The following ZNF562 variants were observed in gnomAD, a reference collection of about 807,000 sequenced individuals.
ZNF562 encodes the protein zinc finger protein 562.
ZNF562 carries 13 observed loss-of-function variants against 17.5 expected under a neutral mutation model. The ratio of observed to expected loss-of-function variants is 0.74; its 90% CI spans 0.48 to 1.18. The LOEUF is 1.18. Among genes scored for constraint, ZNF562 ranks in the 50% most tolerant of loss-of-function variants. The pLI is 0.00. For missense variants in ZNF562, 481 were observed against 498.5 expected, an observed-to-expected ratio of 0.96 and a Z score of 0.33; for synonymous variants, 163 against 165.4, an observed-to-expected ratio of 0.99 and a Z score of 0.11.
Position 9,659,691 on chromosome 19 carries a change from T to C in ZNF562, c.26-224A>G, listed in dbSNP as rs565745734. ...TGTGTAAAGGGTAACAGTTTCATTT[T>C]TCAAGGAAACTTACACCCTGAAAAA... On this transcript the variant is annotated intron_variant, in intron 2 of 5. Transcript: ENST00000453372. 2.0e-5 allele frequency among the ~76,000 whole-genome samples: 3 copies of C among 152,136 alleles called. No individual in the cohort carries two copies. The South Asian group carries it at 6.2e-4, about 32-fold the overall frequency.
At chr19:9,663,840 T>C (rs1020774997) in intron 1 of ZNF562, among the ~76,000 whole-genome samples, 2 of 151,756 alleles carry the variant, frequency 1.3e-5, no homozygotes, top group African/African-American at 4.8e-5. Context: ...TAGCTGGGAC[T>C]CCCTAGTTCA....
chr19:9,664,631 T>TCA (rs1315125151), intron 1 of ZNF562, among the ~76,000 whole-genome samples: 23 of 152,314 alleles, frequency 1.5e-4, no homozygotes, highest in Non-Finnish European at 2.8e-4. Flanking sequence ...ACTTTTGGGT[T>TCA]TCTGCCGTTT....
chr19:9,652,871 C>T lies in ZNF562; in HGVS notation c.*78G>A, dbSNP rs548473878. 6.7e-6 allele frequency: 9 copies of T among 1,345,928 alleles called. No homozygotes were observed. The South Asian group carries it at 1.4e-4, about 21-fold the overall frequency. 83.4% of individuals were successfully genotyped at this position (1,345,928 alleles called of 1,614,324 possible). A position where few individuals can be genotyped will look rare whatever the true frequency, so the allele number is the denominator to read the frequency against. ...AGCAAATGCTTTCCCAAATTCTTTA[C>T]ATACAAAAGGTTTCTCTCTGGTAGG... On this transcript the variant is annotated 3_prime_UTR_variant, in exon 6 of 6. Coordinates refer to ENST00000453372, the MANE Select transcript of ZNF562 (RefSeq NM_001130031.2).
rs930876101 is a variant in ZNF562 at position 9,659,450 on chromosome 19, G to T, written c.43C>A (p.Pro15Thr). 6.4e-7 allele frequency: 1 copy of T among 1,551,252 alleles called. No homozygotes were observed. The change falls in exon 3 of 6, where the codon CCA (proline) becomes ACA (threonine). Residue 15 changes from proline to threonine, a missense_variant. Pro to Thr is a conservative substitution (Grantham distance 38). This residue lies in a region of ZNF562 where 403 missense variants were observed against 386.4 expected (regional missense o/e 1.04). Coordinates refer to ENST00000453372, the MANE Select transcript of ZNF562 (RefSeq NM_001130031.2). Reference protein sequence around the residue: ...DMSHGFFPREPICPFEEKTKI... With the variant: ...DMSHGFFPRETICPFEEKTKI... ...GTCTTTTCTTCAAAAGGACAGATTG[G>T]TTCCCTGGGAAAAAACCCTAGTGGA... is the stretch of plus-strand genomic sequence containing the variant.
chr19:9,665,588 C>T (rs187110444), intron 1 of ZNF562, among the ~76,000 whole-genome samples: 3 of 152,270 alleles, frequency 2.0e-5, no homozygotes, highest in African/African-American at 4.8e-5. Flanking sequence ...ACACAGGTCC[C>T]CTGGGCAGAA....
At chr19:9,660,417 G>A (rs535577704) in intron 2 of ZNF562, among the ~76,000 whole-genome samples, 13 of 152,018 alleles carry the variant, frequency 8.6e-5, no homozygotes, top group Non-Finnish European at 1.5e-4. Flanking sequence ...ACCTGAGGTC[G>A]GGAGTTCAAG....
At chr19:9,656,358 A>T (rs1725760084) in intron 5 of ZNF562, among the ~76,000 whole-genome samples, 189 bp downstream of exon 5, 1 of 151,860 alleles carries the variant, frequency 6.6e-6, no homozygotes, top group South Asian at 2.1e-4. Flanking sequence ...AAATACAATA[A>T]ATTAGCTGGG....
Position 9,675,077 on chromosome 19 carries a change from C to T in ZNF562, c.-193G>A, listed in dbSNP as rs1288129196. 1 of 152,292 alleles carries T rather than the reference C, an allele frequency of 6.6e-6. No individual in the cohort carries two copies. 9.4% of individuals were successfully genotyped at this position (152,292 alleles called of 1,614,324 possible). A position where few individuals can be genotyped will look rare whatever the true frequency, so the allele number is the denominator to read the frequency against. ...GGCACTGACCATGCTGAGCCACAGC[C>T]GGTAAAGATGGCGGTGGCACACTGA... On this transcript the variant is annotated 5_prime_UTR_variant, in exon 1 of 6. Coordinates refer to ENST00000453372, the MANE Select transcript of ZNF562 (RefSeq NM_001130031.2).
chr19:9,653,372 C>G lies in ZNF562; in HGVS notation c.858G>C (p.Lys286Asn). Residue 286 changes from lysine (K) to asparagine (N), a missense_variant, in exon 6 of 6, where the codon AAG (lysine) becomes AAC (asparagine). This residue lies in a region of ZNF562 where 403 missense variants were observed against 386.4 expected (regional missense o/e 1.04). Transcript: ENST00000453372. ...TTCCACATTCTTTACATTCAAAGGACTTCTCTCCTTTATGAGTTTTTGCAT... is the reference window on the plus strand; with the variant it reads ...TTCCACATTCTTTACATTCAAAGGAGTTCTCTCCTTTATGAGTTTTTGCAT... ...SAHAKTHKGE[K>N]SFECKECGRS... The G allele has an allele frequency of 6.2e-7, 1 of 1,614,112 alleles. No homozygotes were observed. The highest frequency in any genetic ancestry group is 8.5e-7 in the Non-Finnish European group (1 of 1,180,002).
Position 9,653,524 on chromosome 19 carries a change from C to G in ZNF562, c.706G>C (p.Glu236Gln). Residue 236 changes from glutamate to glutamine, a missense_variant, in exon 6 of 6, where the codon GAA (glutamate) becomes CAA (glutamine). Glu to Gln is a conservative substitution (Grantham distance 29). Transcript: ENST00000453372. ...GAAGTTGTGATGGCTCTCTCACATTCCTGAAATTCACAGAGTTTCTCTCCA... is the reference window on the plus strand; with the variant it reads ...GAAGTTGTGATGGCTCTCTCACATTGCTGAAATTCACAGAGTTTCTCTCCA... The part of the protein sequence containing the change: ...HIGEKLCEFQ[E>Q]CERAITTSSH... The G allele has an allele frequency of 6.2e-7, 1 of 1,614,184 alleles. No individual in the cohort carries two copies. Among genetic ancestry groups the G allele is most frequent in the Non-Finnish European group, 8.5e-7 (1 of 1,180,028 alleles).
intron 1 of ZNF562, among the ~76,000 whole-genome samples, chr19:9,663,574 T>TTG (rs1160295899): frequency 6.8e-6 from 1 of 146,050 alleles, no homozygotes; most frequent in African/African-American, 2.7e-5. Flanking sequence ...GATGGGTTTT[T>TTG]TTTTGTTTTG....
rs1451329466 is a variant in ZNF562, at chr19:9,651,807, ACT to A, written c.*1140_*1141del. The A allele has an allele frequency of 6.7e-6, 1 of 149,128 alleles. No individual in the cohort carries two copies. The highest frequency in any genetic ancestry group is 6.7e-5 in the Admixed American group (1 of 15,012). The allele number at this position is 149,128 out of a possible 1,614,324, so 9.2% of individuals were successfully genotyped here. A position where few individuals can be genotyped will look rare whatever the true frequency, so the allele number is the denominator to read the frequency against. On this transcript the variant is annotated 3_prime_UTR_variant, in exon 6 of 6. Transcript: ENST00000453372. ...TACTGTCAATAAATATGTGGGTCAA[ACT>A]CTGTTCAAGCTCAGCTCTGAAGGCT...
rs1210140271 is a variant in ZNF562, at chr19:9,651,361, GGTAT to G, written c.*1584_*1587del. On this transcript the variant is annotated 3_prime_UTR_variant, in exon 6 of 6. Coordinates refer to ENST00000453372, the MANE Select transcript of ZNF562 (RefSeq NM_001130031.2). ...AGGTAGAGCTTGAGACAGATAAAAT[GGTAT>G]GTATCACTAAGATCTGTAATTAAAG... 6.6e-6 allele frequency: 1 copy of G among 152,162 alleles called. No individual in the cohort carries two copies. Among genetic ancestry groups the G allele is most frequent in the African/African-American group, 2.4e-5 (1 of 41,434 alleles). The allele number at this position is 152,162 out of a possible 1,614,324, so 9.4% of individuals were successfully genotyped here.
At position 9,651,269 on chromosome 19, in the gene ZNF562, A is replaced by T. The variant is rs567729640; in HGVS notation, c.*1680T>A. The T allele has an allele frequency of 1.3e-5, 2 of 152,344 alleles. No homozygotes were observed. The highest frequency in any genetic ancestry group is 4.8e-5 in the African/African-American group (2 of 41,570). The allele number at this position is 152,344 out of a possible 1,614,324, so 9.4% of individuals were successfully genotyped here. ...TGAGGAACATGCTATTGGGAAATGA[A>T]GAAAAGACAACCCTTGATATAAAGT... On this transcript the variant is annotated 3_prime_UTR_variant, in exon 6 of 6. Coordinates refer to ENST00000453372, the MANE Select transcript of ZNF562 (RefSeq NM_001130031.2).
chr19:9,662,628 C>T (rs567317346), intron 1 of ZNF562, among the ~76,000 whole-genome samples: 152 of 152,064 alleles, frequency 1.0e-3, no homozygotes, highest in Non-Finnish European at 1.9e-3. Flanking sequence ...CGCCTGTAAT[C>T]CCAGCACTTT....
rs1045736988 is a variant in ZNF562, at chr19:9,659,459, G to GA, written c.33dup (p.Pro12SerfsTer9). The GA allele has an allele frequency of 9.7e-6, 15 of 1,550,852 alleles. No homozygotes were observed. Among genetic ancestry groups the GA allele is most frequent in the African/African-American group, 5.5e-5 (4 of 72,998 alleles). On this transcript the variant is annotated frameshift_variant, in exon 3 of 6. Transcript: ENST00000453372. LOFTEE classifies it high-confidence loss of function. ...TCAAAAGGACAGATTGGTTCCCTGG[G>GA]AAAAAACCCTAGTGGAAAAGTAAGA...
intron 1 of ZNF562, among the ~76,000 whole-genome samples, chr19:9,665,222 A>G (rs75122801): frequency 6.6e-6 from 1 of 151,274 alleles, no homozygotes; most frequent in Non-Finnish European, 1.5e-5. Flanking sequence ...CTCTGTCTAA[A>G]AAAAAAAAAA....
At chr19:9,672,008 GT>G (rs1320132108) in intron 1 of ZNF562, among the ~76,000 whole-genome samples, 2 of 152,176 alleles carry the variant, frequency 1.3e-5, no homozygotes, top group African/African-American at 2.4e-5. Flanking sequence ...CCAATTCCAA[GT>G]TTGTAGGAAA....
At chr19:9,670,626 C>T (rs2044156125) in intron 1 of ZNF562, among the ~76,000 whole-genome samples, 1 of 152,084 alleles carries the variant, frequency 6.6e-6, no homozygotes, top group South Asian at 2.1e-4. Flanking sequence ...AAAAGTGGAT[C>T]TCATGAGCAT....
Sources: gnomAD v4.1 joint callset for allele counts (sites outside exome capture counted in the v4.1 genomes callset) on GRCh38, gnomAD v4.1.1 for gene constraint, gnomAD v4.1.1 regional missense constraint, MANE v1.5 for transcripts, NCBI Gene and HGNC (gene_info 2026-07-23, HGNC 2026-07-21) for gene names.